Variants in STYXL1 observed in about 807,000 individuals in gnomAD.
STYXL1 encodes the protein serine/threonine/tyrosine-interacting-like protein 1.
Under a neutral mutation model 36.4 loss-of-function variants are expected in STYXL1, and 32 were observed. The observed-to-expected ratio is 0.88, with a 90% CI of 0.66 to 1.18. The LOEUF (loss-of-function observed/expected upper bound fraction) is 1.18. Among genes scored for constraint, STYXL1 ranks in the 50% most tolerant of loss-of-function variants. The pLI is 0.00. For missense variants in STYXL1, 354 were observed against 394.1 expected, an observed-to-expected ratio of 0.90 and a Z score of 0.86; for synonymous variants, 133 against 144.1, an observed-to-expected ratio of 0.92 and a Z score of 0.55.
At chr7:76,037,073 C>T (rs1260343019) in intron 1 of STYXL1, among the ~76,000 whole-genome samples, 4 of 150,046 alleles carry the variant, frequency 2.7e-5, no homozygotes, top group Admixed American at 2.0e-4. Context: ...CGTGAGCCAC[C>T]GCACCCGGCC....
intron 4 of STYXL1, among the ~76,000 whole-genome samples, chr7:76,014,546 T>C (rs186214494): frequency 1.3e-5 from 2 of 151,812 alleles, no homozygotes; most frequent in East Asian, 3.9e-4. Context: ...AGAGACAGTG[T>C]CTCACTTTTT....
Position 76,013,794 on chromosome 7 carries a change from A to T in STYXL1, c.401T>A (p.Phe134Tyr), listed in dbSNP as rs1449567249. 6.2e-7 allele frequency: 1 copy of T among 1,613,794 alleles called. No individual in the cohort carries two copies. The highest frequency in any genetic ancestry group is 8.5e-7 in the Non-Finnish European group (1 of 1,179,962). Residue 134 changes from phenylalanine to tyrosine, a missense_variant, in exon 5 of 9, where the codon TTC becomes TAC. By Grantham distance (22) the Phe-to-Tyr change is conservative. Coordinates refer to ENST00000359697, the MANE Select transcript of STYXL1 (RefSeq NM_001317785.2). Reference protein sequence around the residue: ...VYILKGGYERFSGTYHFLRTQ... With the variant: ...VYILKGGYERYSGTYHFLRTQ... ...CCGGAGAAAGTGGTACGTGCCTGAG[A>T]AGCGCTCATAGCCCCCTTTCAGGAT...
rs1432242718 is a variant in STYXL1, at chr7:76,047,989, A to C, written c.-332T>G. On this transcript the variant is annotated 5_prime_UTR_variant, in exon 1 of 9. Coordinates refer to ENST00000359697, the MANE Select transcript of STYXL1 (RefSeq NM_001317785.2). ...GATGGTCCCACAGCTTTCCTTTCCG[A>C]CTCCCGGAAGTGGCCGTGATCTCAC... 8.1e-6 allele frequency: 12 copies of C among 1,487,016 alleles called. No homozygotes were observed. The highest frequency in any genetic ancestry group is 1.1e-5 in the Non-Finnish European group (12 of 1,119,428). 92.1% of individuals were successfully genotyped at this position (1,487,016 alleles called of 1,614,324 possible). A position where few individuals can be genotyped will look rare whatever the true frequency, so the allele number is the denominator to read the frequency against.
intron 5 of STYXL1, among the ~76,000 whole-genome samples, chr7:76,005,815 G>A (rs1563467493): frequency 6.9e-6 from 1 of 145,192 alleles, no homozygotes; most frequent in Non-Finnish European, 1.5e-5. Context: ...GAGAGAGAAG[G>A]AGGAGGAGGA....
chr7:75,998,566 G>C (rs1167210166), intron 8 of STYXL1: 3 of 152,184 alleles, frequency 2.0e-5, no homozygotes, highest in African/African-American at 7.2e-5. Context: ...CCAACCTGCT[G>C]GGATTACAGG....
Position 76,047,745 on chromosome 7 carries a change from C to T in STYXL1, c.-88G>A, listed in dbSNP as rs1797331186. The T allele has an allele frequency of 3.1e-6, 1 of 318,568 alleles. No individual in the cohort carries two copies. Among genetic ancestry groups the T allele is most frequent in the African/African-American group, 2.3e-5 (1 of 43,828 alleles). The allele number at this position is 318,568 out of a possible 1,614,324, so 19.7% of individuals were successfully genotyped here. On this transcript the variant is annotated 5_prime_UTR_variant, in exon 1 of 9. Transcript: ENST00000359697. ...AGGTCGGGGGCTCGGGTCTGGGACG[C>T]GCTCCACCTCCCCGGCTGCGCGACT...
chr7:76,028,850 C>T lies in STYXL1; in HGVS notation c.104-147G>A, dbSNP rs77370097. 2,418 of 735,648 alleles carry T rather than the reference C, an allele frequency of 3.3e-3. 9 individuals are homozygous for T. Among genetic ancestry groups the T allele is most frequent in the Non-Finnish European group, 4.7e-3 (2,011 of 427,480 alleles). The allele number at this position is 735,648 out of a possible 1,614,324, so 45.6% of individuals were successfully genotyped here. A position where few individuals can be genotyped will look rare whatever the true frequency, so the allele number is the denominator to read the frequency against. On this transcript the variant is annotated intron_variant, in intron 2 of 8. Transcript: ENST00000359697. ...TTAAAACTTGAGATGTGGGGCTGGG[C>T]GCGGTGGCATGCACCTGTAACCCCA...
chr7:76,042,936 G>A (rs1170957061), intron 1 of STYXL1, among the ~76,000 whole-genome samples: 1 of 152,150 alleles, frequency 6.6e-6, no homozygotes, highest in East Asian at 1.9e-4. Context: ...CACAGAGGCT[G>A]GTAATAGGCC....
chr7:76,041,364 G>A (rs1409149243), intron 1 of STYXL1, among the ~76,000 whole-genome samples: 3 of 152,056 alleles, frequency 2.0e-5, no homozygotes, highest in Non-Finnish European at 1.5e-5. Context: ...GTAGGGGTGG[G>A]GTGAGGAGGG....
At chr7:76,025,308 A>T (rs545082477) in intron 3 of STYXL1, among the ~76,000 whole-genome samples, 65 of 151,300 alleles carry the variant, frequency 4.3e-4, no homozygotes, top group African/African-American at 1.3e-3. Context: ...CTCAAAAAAT[A>T]AAAATAAAAA....
At chr7:76,023,053 A>G (rs2116104522) in intron 3 of STYXL1, among the ~76,000 whole-genome samples, 1 of 152,220 alleles carries the variant, frequency 6.6e-6, no homozygotes, top group Admixed American at 6.5e-5. Context: ...GGCAGGTAAC[A>G]CTCCAGGGTA....
At chr7:76,032,220 C>G (rs1402554123) in intron 1 of STYXL1, among the ~76,000 whole-genome samples, 1 of 148,360 alleles carries the variant, frequency 6.7e-6, no homozygotes, top group Admixed American at 6.7e-5. Flanking sequence ...TAGTGAGACC[C>G]CATCTCTAAA....
chr7:76,039,803 A>G (rs1046369516), intron 1 of STYXL1, among the ~76,000 whole-genome samples: 1 of 152,170 alleles, frequency 6.6e-6, no homozygotes, highest in African/African-American at 2.4e-5. Flanking sequence ...ATGCACCACC[A>G]TGACAGGCTA....
At chr7:76,024,992 T>C (rs1585277517) in intron 3 of STYXL1, among the ~76,000 whole-genome samples, 1 of 148,310 alleles carries the variant, frequency 6.7e-6, no homozygotes, top group East Asian at 2.0e-4. Flanking sequence ...ACATATTCTG[T>C]TTTCAAAAAA....
At chr7:76,047,591 A>G (rs1797300558) in intron 1 of STYXL1, 71 bp downstream of exon 1, 7 of 159,056 alleles carry the variant, frequency 4.4e-5, no homozygotes, top group Admixed American at 4.2e-4. Context: ...TTGGGAAACG[A>G]CGGCCCGGAT....
chr7:76,047,563 C>T (rs1585386740), intron 1 of STYXL1, 99 bp downstream of exon 1: 2 of 159,086 alleles, frequency 1.3e-5, no homozygotes, highest in African/African-American at 2.4e-5. Context: ...TAAACCTGAA[C>T]CCAAGGGTCT....
At chr7:76,022,324 A>G (rs1794175346) in intron 3 of STYXL1, among the ~76,000 whole-genome samples, 1 of 152,152 alleles carries the variant, frequency 6.6e-6, no homozygotes. Flanking sequence ...AATTAGTGAT[A>G]TCCTTTCTCA....
intron 8 of STYXL1, chr7:76,000,336 T>C: frequency 2.3e-6 from 1 of 443,756 alleles, no homozygotes; most frequent in Non-Finnish European, 4.6e-6. Flanking sequence ...GTCCCTCTCC[T>C]TCCCCCAAAA....
intron 3 of STYXL1, 136 bp downstream of exon 3, chr7:76,028,506 G>A (rs891901213): frequency 6.6e-6 from 5 of 759,212 alleles, no homozygotes; most frequent in Non-Finnish European, 1.1e-5. Flanking sequence ...TGAGAGGTGT[G>A]GAAGACCACC....
Sources: allele counts gnomAD v4.1 joint callset (sites outside exome capture counted in the v4.1 genomes callset), GRCh38; gene constraint gnomAD v4.1.1; transcripts MANE v1.5; gene names NCBI Gene and HGNC (gene_info 2026-07-23, HGNC 2026-07-21).